Variants in DNMBP observed in about 807,000 individuals in gnomAD.
DNMBP encodes the protein dynamin-binding protein.
In DNMBP, 87 loss-of-function variants were observed where a neutral mutation model predicts 150.0. The ratio of observed to expected loss-of-function variants is 0.58; its 90% confidence interval spans 0.49 to 0.69. The LOEUF (loss-of-function observed/expected upper bound fraction) is 0.69, where lower values mean the gene tolerates loss of function less well. Ranked by LOEUF, DNMBP falls within the 30% of genes least tolerant of loss-of-function variation. The pLI is 0.00. For synonymous variants in DNMBP, 711 were observed against 750.4 expected, an observed-to-expected ratio of 0.95 and a Z score of 0.86; for missense variants, 1,774 against 1,949.0, an observed-to-expected ratio of 0.91 and a Z score of 1.69.
Position 99,930,749 on chromosome 10 carries a change from C to T in DNMBP, c.2261-21603G>A, listed in dbSNP as rs770273169. On this transcript the variant is annotated intron_variant, in intron 4 of 16. Coordinates refer to ENST00000324109, the MANE Select transcript of DNMBP (RefSeq NM_015221.4). ...CCACTTCCCTTTCTTTTCTAGCCTT[C>T]TGGGTTTCACACATATTCTATGTGC... 3 of 672,298 alleles carry T rather than the reference C, an allele frequency of 4.5e-6. No individual in the cohort carries two copies. In the South Asian group the frequency reaches 5.0e-5, roughly 11 times the overall value. The allele number at this position is 672,298 out of a possible 1,614,324, so 41.6% of individuals were successfully genotyped here.
Position 99,896,276 on chromosome 10 carries a change from A to G in DNMBP, c.3042T>C (p.Phe1014=). The change falls in exon 10 of 17, where the codon TTT becomes TTC. Residue 1014 remains phenylalanine (F), a synonymous_variant. Transcript: ENST00000324109. ...AGGATGGGGATCTCACCTGAGGAGC[A>G]AAGCCAGTGAGATGCTTCAGGTGAC... ...VSSHLKHLTG[F]APQIKDEVFE... 1.2e-6 allele frequency: 2 copies of G among 1,614,158 alleles called. No homozygotes were observed. The highest frequency in any genetic ancestry group is 4.5e-5 in the East Asian group (2 of 44,888).
chr10:99,932,603 G>A (rs1288083398), intron 4 of DNMBP, among the ~76,000 whole-genome samples: 1 of 149,808 alleles, frequency 6.7e-6, no homozygotes, highest in Non-Finnish European at 1.5e-5. Context: ...GAGGAACCCA[G>A]GACTGCAGTC....
At position 99,955,513 on chromosome 10, in the gene DNMBP, C is replaced by A; in HGVS notation, c.1961G>T (p.Arg654Ile). Residue 654 changes from arginine (R) to isoleucine (I), a missense_variant, in exon 4 of 17, where the codon AGA becomes ATA. By Grantham distance (97) the Arg-to-Ile change is moderately conservative. Coordinates refer to ENST00000324109, the MANE Select transcript of DNMBP (RefSeq NM_015221.4). ...PAPLPPSAQQ[R>I]TNAVSPKLLS... ...GAGCTTGGGGGATACCGCATTCGTT[C>A]TCTGCTGTGCTGAGGGAGGCAGGGG... 6.3e-7 allele frequency: 1 copy of A among 1,596,592 alleles called. No homozygotes were observed. Among genetic ancestry groups the A allele is most frequent in the South Asian group, 1.1e-5 (1 of 88,592 alleles).
intron 7 of DNMBP, 133 bp from the exon 8 acceptor site, chr10:99,898,893 C>T: frequency 1.1e-6 from 1 of 939,346 alleles, no homozygotes; most frequent in Non-Finnish European, 1.6e-6. Context: ...ATTTAGTCTA[C>T]TAAAAAATGT....
rs553052998 is a variant in DNMBP at position 99,944,618 on chromosome 10, T to C, written c.2260+10596A>G. ...ATGTTCATCGCTATGTACCCAGCCC[T>C]TAGCACAGTGCCTGGCACATGGTAA... On this transcript the variant is annotated intron_variant, in intron 4 of 16. Coordinates refer to ENST00000324109, the MANE Select transcript of DNMBP (RefSeq NM_015221.4). Among the ~76,000 whole-genome samples the C allele has an allele frequency of 1.1e-4, 17 of 152,334 alleles. 1 individual carries two copies. In the South Asian group the frequency reaches 3.5e-3, roughly 32 times the overall value.
At chr10:99,989,685 T>C (rs34415151) in intron 1 of DNMBP, among the ~76,000 whole-genome samples, 47,845 of 152,000 alleles carry the variant, frequency 0.31, 7,592 homozygotes, top group Non-Finnish European at 0.33. Context: ...CACTCCAGCC[T>C]GGGCAACAAG....
At chr10:100,001,754 T>C (rs2041016324) in intron 1 of DNMBP, among the ~76,000 whole-genome samples, 1 of 150,440 alleles carries the variant, frequency 6.6e-6, no homozygotes, top group Non-Finnish European at 1.5e-5. Context: ...AATGACTATT[T>C]TCTCCATTCT....
chr10:99,966,977 T>C (rs2040625203), intron 3 of DNMBP, among the ~76,000 whole-genome samples: 1 of 148,662 alleles, frequency 6.7e-6, no homozygotes. Context: ...TTTTTTTTTT[T>C]GTAGAGACAG....
chr10:100,001,081 A>G (rs977392974), intron 1 of DNMBP, among the ~76,000 whole-genome samples: 1 of 149,972 alleles, frequency 6.7e-6, no homozygotes, highest in African/African-American at 2.4e-5. Context: ...GAATACAAAA[A>G]TTAGCCAGGT....
intron 1 of DNMBP, among the ~76,000 whole-genome samples, chr10:99,974,610 G>A (rs1403053405): frequency 6.6e-6 from 1 of 151,678 alleles, no homozygotes; most frequent in Non-Finnish European, 1.5e-5. Flanking sequence ...TGATCCTCCT[G>A]CCTCAGCCTC....
intron 1 of DNMBP, among the ~76,000 whole-genome samples, chr10:99,993,093 A>T (rs944814196): frequency 1.3e-5 from 2 of 152,220 alleles, no homozygotes; most frequent in Non-Finnish European, 2.9e-5. Context: ...ACCTGCTCAT[A>T]GGGTTGTAAT....
rs745791270 is a variant in DNMBP at position 99,909,028 on chromosome 10, A to C, written c.2379T>G (p.Leu793=). The C allele has an allele frequency of 3.7e-6, 6 of 1,614,214 alleles. No homozygotes were observed. Among genetic ancestry groups the C allele is most frequent in the Non-Finnish European group, 3.4e-6 (4 of 1,180,036 alleles). ...CCCGAATGTAGTCTCTTTCTGTCTG[A>C]AGAAGTTCTTCTATGACCTTGGCTC... ...EKRAKVIEEL[L]QTERDYIRDL... is the part of the protein sequence containing the mutation. Residue 793 remains leucine (L), a synonymous_variant, in exon 5 of 17, where the codon CTT becomes CTG. Coordinates refer to ENST00000324109, the MANE Select transcript of DNMBP (RefSeq NM_015221.4).
At position 99,880,267 on chromosome 10, in the gene DNMBP, C is replaced by T. The variant is rs747581498; in HGVS notation, c.4092G>A (p.Glu1364=). The T allele has an allele frequency of 1.2e-5, 19 of 1,613,966 alleles. No homozygotes were observed. The South Asian group carries it at 1.9e-4, about 16-fold the overall frequency. ...TGGGGGAGGAGCTGCCGTGCTCAGA[C>T]TCTGTGGAGGAGTGGCTACCCACGG... The part of the protein sequence containing the change: ...DASVGSHSST[E]SEHGSSSPRF... The change falls in exon 16 of 17, where the codon GAG becomes GAA. Residue 1364 remains glutamate, a synonymous_variant. Coordinates refer to ENST00000324109, the MANE Select transcript of DNMBP (RefSeq NM_015221.4).
chr10:99,909,122 G>T lies in DNMBP; in HGVS notation c.2285C>A (p.Ser762Tyr). Residue 762 changes from serine to tyrosine, a missense_variant, in exon 5 of 17, where the codon TCT (serine) becomes TAT (tyrosine). Physicochemically the swap from Ser to Tyr is moderately radical, Grantham distance 144. This residue lies in a region of DNMBP where 1,430 missense variants were observed against 1,492.5 expected (regional missense o/e 0.96). Transcript: ENST00000324109. ...CCCAGAAGGGGCCACCAGTGATGAA[G>T]ACTGGGAGGAGAGGAGCGTCATTTC... The part of the protein sequence containing the change: ...LREMTLLSSQ[S>Y]SSLVAPSGSV... The T allele has an allele frequency of 1.9e-6, 3 of 1,613,978 alleles. No homozygotes were observed. Among genetic ancestry groups the T allele is most frequent in the Non-Finnish European group, 2.5e-6 (3 of 1,179,978 alleles).
intron 4 of DNMBP, among the ~76,000 whole-genome samples, chr10:99,943,878 C>T (rs1020606683): frequency 6.6e-5 from 10 of 152,222 alleles, no homozygotes; most frequent in African/African-American, 2.4e-4. Context: ...TGTTAATCTA[C>T]TGGCTGTCTT....
Position 99,979,150 on chromosome 10 carries a change from G to A in DNMBP, c.-10-7016C>T, listed in dbSNP as rs987961315. Among the ~76,000 whole-genome samples, 6 of 152,092 alleles carry A rather than the reference G, an allele frequency of 3.9e-5. No individual in the cohort carries two copies. The East Asian group carries it at 1.2e-3, about 29-fold the overall frequency. ...AAGCCCTATGCAAACTAAAAATCTGGCTTGACTGGGTAAGCTAATCATTTG... is the reference window on the plus strand; with the variant it reads ...AAGCCCTATGCAAACTAAAAATCTGACTTGACTGGGTAAGCTAATCATTTG... On this transcript the variant is annotated intron_variant, in intron 1 of 16. Transcript: ENST00000324109.
intron 1 of DNMBP, among the ~76,000 whole-genome samples, chr10:100,005,861 G>A (rs2041065249): frequency 6.6e-6 from 1 of 150,974 alleles, no homozygotes; most frequent in African/African-American, 2.4e-5. Flanking sequence ...TTCCCACTTT[G>A]CAAGCTCCTA....
chr10:100,002,473 A>G (rs779642775), intron 1 of DNMBP, among the ~76,000 whole-genome samples: 2 of 152,326 alleles, frequency 1.3e-5, no homozygotes, highest in Non-Finnish European at 1.5e-5. Flanking sequence ...TTATGCCTGA[A>G]GTAAAGACCG....
chr10:99,968,314 T>A (rs927470836), intron 3 of DNMBP, among the ~76,000 whole-genome samples: 23 of 152,302 alleles, frequency 1.5e-4, no homozygotes, highest in African/African-American at 5.3e-4. Context: ...GTAATATTGT[T>A]AGCAAAGCCG....
Sources: allele counts gnomAD v4.1 joint callset (sites outside exome capture counted in the v4.1 genomes callset), GRCh38; gene constraint gnomAD v4.1.1; regional missense constraint gnomAD v4.1.1; transcripts MANE v1.5; gene names NCBI Gene and HGNC (gene_info 2026-07-23, HGNC 2026-07-21).